PHACTR1: variants seen among roughly 807,000 people sequenced by gnomAD.
The protein encoded by PHACTR1 is RPEL repeat containing 1.
Under a neutral mutation model 69.2 loss-of-function variants are expected in PHACTR1, and 16 were observed. The ratio of observed to expected loss-of-function variants is 0.23; its 90% CI spans 0.16 to 0.35. The LOEUF (loss-of-function observed/expected upper bound fraction) is 0.35, where lower values mean the gene tolerates loss of function less well. PHACTR1 is among the 10% of genes least tolerant of loss of function. The probability of loss-of-function intolerance (pLI) is 1.00; values close to 1 mark genes in which losing one functional copy is unlikely to be tolerated. For missense variants in PHACTR1, 510 were observed against 734.7 expected (o/e 0.69, Z 3.54); for synonymous variants, 312 against 284.5 (o/e 1.10, Z -0.97).
intron 5 of PHACTR1, 62 bp from the exon 6 acceptor site, chr6:13,160,142 C>A (rs1758774497): frequency 1.4e-6 from 2 of 1,413,498 alleles, no homozygotes; most frequent in African/African-American, 1.4e-5. Flanking sequence ...AACATAGGAT[C>A]CTTTAGAAGA....
chr6:13,112,889 T>C (rs1307724950), intron 5 of PHACTR1, among the ~76,000 whole-genome samples: 1 of 152,190 alleles, frequency 6.6e-6, no homozygotes, highest in Non-Finnish European at 1.5e-5. Context: ...TAGATCCCAT[T>C]TGTCAGTTTT....
At chr6:13,140,702 A>G (rs905704709) in intron 5 of PHACTR1, among the ~76,000 whole-genome samples, 6 of 152,322 alleles carry the variant, frequency 3.9e-5, no homozygotes, top group Admixed American at 3.9e-4. Context: ...AAAGTTCTGG[A>G]GATGGTTGCA....
intron 10 of PHACTR1, 173 bp from the exon 11 acceptor site, chr6:13,272,663 ATGACGCACGTGCCTCTCCTGGGCT>A: frequency 6.8e-7 from 1 of 1,476,078 alleles, no homozygotes. Context: ...CGGCTGTGAC[ATGACGCACGTGCCTCTCCTGGGCT>A]TGAAATTGAG....
intron 8 of PHACTR1, among the ~76,000 whole-genome samples, chr6:13,207,691 G>A (rs1400087047): frequency 2.0e-5 from 3 of 152,198 alleles, no homozygotes; most frequent in Non-Finnish European, 4.4e-5. Context: ...GCTTGACTGA[G>A]TGCCCTGGTG....
intron 4 of PHACTR1, among the ~76,000 whole-genome samples, chr6:12,900,789 CTACT>C (rs762746606): frequency 4.6e-5 from 7 of 152,176 alleles, no homozygotes; most frequent in Non-Finnish European, 1.0e-4. Context: ...TTTACTTTAT[CTACT>C]TTTCACTAAT....
At chr6:13,274,363 G>A (rs1778440553) in intron 11 of PHACTR1, 1 of 152,174 alleles carries the variant, frequency 6.6e-6, no homozygotes, top group African/African-American at 2.4e-5. Flanking sequence ...AATGAATTCA[G>A]AGCTTTTTCA....
At chr6:13,118,418 C>G (rs1020681727) in intron 5 of PHACTR1, among the ~76,000 whole-genome samples, 3 of 151,862 alleles carry the variant, frequency 2.0e-5, no homozygotes, top group African/African-American at 7.3e-5. Context: ...AGATAACATC[C>G]TCGTGAAGCT....
At chr6:12,986,478 C>G (rs906807929) in intron 4 of PHACTR1, among the ~76,000 whole-genome samples, 1 of 152,202 alleles carries the variant, frequency 6.6e-6, no homozygotes, top group Non-Finnish European at 1.5e-5. Flanking sequence ...TGGTTTCAGT[C>G]TTTAGCTCAC....
At chr6:13,030,789 G>C (rs970290757) in intron 4 of PHACTR1, among the ~76,000 whole-genome samples, 1 of 152,242 alleles carries the variant, frequency 6.6e-6, no homozygotes, top group Non-Finnish European at 1.5e-5. Context: ...ATTCAGTAAT[G>C]TATAGAAGAG....
chr6:12,987,859 A>G (rs1796364965), intron 4 of PHACTR1, among the ~76,000 whole-genome samples: 1 of 152,232 alleles, frequency 6.6e-6, no homozygotes, highest in South Asian at 2.1e-4. Context: ...GATGATAACT[A>G]TAAATTGCCA....
At chr6:13,205,593 C>T (rs1006342389) in intron 7 of PHACTR1, among the ~76,000 whole-genome samples, 1 of 152,210 alleles carries the variant, frequency 6.6e-6, no homozygotes, top group Non-Finnish European at 1.5e-5. Flanking sequence ...TGTCTGGGTT[C>T]CTGAAGGCCC....
At chr6:13,036,423 TAATC>T (rs914567847) in intron 4 of PHACTR1, among the ~76,000 whole-genome samples, 3 of 152,368 alleles carry the variant, frequency 2.0e-5, no homozygotes, top group East Asian at 1.9e-4. Context: ...GTTGTTCATT[TAATC>T]AATCTGTCAT....
At chr6:12,910,926 T>C (rs1786312757) in intron 4 of PHACTR1, among the ~76,000 whole-genome samples, 1 of 152,100 alleles carries the variant, frequency 6.6e-6, no homozygotes, top group Non-Finnish European at 1.5e-5. Flanking sequence ...CATGGTGTCA[T>C]GTGGCAGGCA....
intron 4 of PHACTR1, among the ~76,000 whole-genome samples, chr6:12,813,516 C>T (rs1226998130): frequency 6.6e-6 from 1 of 152,208 alleles, no homozygotes; most frequent in Non-Finnish European, 1.5e-5. Context: ...TTTAGAGACA[C>T]CAAGTCCCTC....
intron 4 of PHACTR1, among the ~76,000 whole-genome samples, chr6:13,016,368 G>A (rs558347971): frequency 5.9e-5 from 9 of 152,348 alleles, no homozygotes; most frequent in African/African-American, 1.7e-4. Flanking sequence ...AGGCCACTTG[G>A]TGGCACCCAC....
intron 4 of PHACTR1, among the ~76,000 whole-genome samples, chr6:12,903,156 C>T (rs1214647490): frequency 6.6e-6 from 1 of 152,192 alleles, no homozygotes; most frequent in East Asian, 1.9e-4. Flanking sequence ...GGCCACCTTC[C>T]TTAACCACTG....
chr6:13,177,004 C>A (rs1373940556), intron 6 of PHACTR1, among the ~76,000 whole-genome samples: 1 of 151,782 alleles, frequency 6.6e-6, no homozygotes, highest in Admixed American at 6.6e-5. Flanking sequence ...TCCAGAGGGT[C>A]CTGAACCCTG....
chr6:12,847,381 G>A (rs866631622), intron 4 of PHACTR1, among the ~76,000 whole-genome samples: 4 of 152,264 alleles, frequency 2.6e-5, no homozygotes, highest in South Asian at 2.1e-4. Flanking sequence ...CAAAAGAGAT[G>A]AGTCAAAAAC....
In PHACTR1 at chr6:12,955,192, CTTT is replaced by C. The variant is rs1161324144; in HGVS notation, c.251-98155_251-98153del. 1.5e-3 allele frequency among the ~76,000 whole-genome samples: 153 copies of C among 103,288 alleles called. 1 individual carries two copies. The highest frequency in any genetic ancestry group is 2.0e-3 in the Non-Finnish European group (112 of 56,246). 67.8% of individuals were successfully genotyped at this position (103,288 alleles called of 152,430 possible). On this transcript the variant is annotated intron_variant, in intron 4 of 14. Coordinates refer to ENST00000332995, the MANE Select transcript of PHACTR1 (RefSeq NM_030948.6). ...ATCTATGGCTCACATTGTATTTCCT[CTTT>C]TTTTTTTTTTTTTTTTTGAGAGAGA... is the stretch of plus-strand genomic sequence containing the variant.
Sources: gnomAD v4.1 joint callset for allele counts (sites outside exome capture counted in the v4.1 genomes callset) on GRCh38, gnomAD v4.1.1 for gene constraint, MANE v1.5 for transcripts, NCBI Gene and HGNC (gene_info 2026-07-23, HGNC 2026-07-21) for gene names.